Variants in TAF4B observed in about 807,000 individuals in gnomAD.
The protein encoded by TAF4B is TATA-box binding protein associated factor 4b, also known as transcription initiation factor TFIID subunit 4B.
A neutral mutation model predicts 86.4 loss-of-function variants in TAF4B; 38 were observed. That is an observed-to-expected ratio of 0.44 (90% confidence interval 0.34 to 0.58). The LOEUF (loss-of-function observed/expected upper bound fraction) is 0.58. Among genes scored for constraint, TAF4B ranks in the 20% least tolerant of loss-of-function variants. TAF4B has a pLI of 0.02. For missense variants in TAF4B, 988 were observed against 1,027.6 expected (o/e 0.96, Z 0.53); for synonymous variants, 388 against 391.2 (o/e 0.99, Z 0.10).
chr18:26,378,826 A>T (rs1245780468), intron 14 of TAF4B, among the ~76,000 whole-genome samples: 1 of 152,112 alleles, frequency 6.6e-6, no homozygotes, highest in Non-Finnish European at 1.5e-5. Flanking sequence ...TTTCTGAATT[A>T]TTTCACTCAT....
chr18:26,294,860 A>G (rs1791772), intron 9 of TAF4B, among the ~76,000 whole-genome samples: 1 of 149,756 alleles, frequency 6.7e-6, no homozygotes, highest in South Asian at 2.1e-4. Context: ...GGAACAAAGC[A>G]TAGGAGAAAA....
chr18:26,294,797 G>T (rs1002601681), intron 9 of TAF4B, among the ~76,000 whole-genome samples: 42 of 150,116 alleles, frequency 2.8e-4, no homozygotes, highest in African/African-American at 9.4e-4. Context: ...GTAATAGATG[G>T]GAATTAAAGG....
intron 1 of TAF4B, among the ~76,000 whole-genome samples, chr18:26,240,390 G>T (rs1456870143): frequency 6.6e-6 from 1 of 152,168 alleles, no homozygotes; most frequent in African/African-American, 2.4e-5. Flanking sequence ...CTGTTTGTCT[G>T]TTATTGGTGT....
At chr18:26,327,197 C>G in intron 12 of TAF4B, 57 bp downstream of exon 12, 1 of 1,561,410 alleles carries the variant, frequency 6.4e-7, no homozygotes, top group Non-Finnish European at 8.7e-7. Context: ...TCAGAGGTGG[C>G]TTTATCGTTG....
At chr18:26,325,950 G>A (rs1461794421) in intron 11 of TAF4B, among the ~76,000 whole-genome samples, 1 of 152,168 alleles carries the variant, frequency 6.6e-6, no homozygotes, top group Non-Finnish European at 1.5e-5. Context: ...TTGGGCATAT[G>A]AAATCCCTCA....
chr18:26,304,932 T>C (rs1464954658), intron 9 of TAF4B: 11 of 945,496 alleles, frequency 1.2e-5, no homozygotes, highest in Non-Finnish European at 1.1e-5. Context: ...TGACTACTTA[T>C]TGCTTTCCAG....
intron 10 of TAF4B, 92 bp from the exon 11 acceptor site, chr18:26,320,978 G>T: frequency 6.8e-7 from 1 of 1,479,428 alleles, no homozygotes; most frequent in South Asian, 1.2e-5. Context: ...TAATGGGTAT[G>T]ACTTCCAGGG....
intron 1 of TAF4B, among the ~76,000 whole-genome samples, chr18:26,233,575 CA>C (rs1401788998): frequency 6.6e-6 from 1 of 152,104 alleles, no homozygotes; most frequent in African/African-American, 2.4e-5. Context: ...GTAGGTGCCC[CA>C]GGGGCAGGCC....
chr18:26,239,595 G>T (rs1651055046), intron 1 of TAF4B, among the ~76,000 whole-genome samples: 1 of 152,176 alleles, frequency 6.6e-6, no homozygotes, highest in South Asian at 2.1e-4. Context: ...AGTTTAATAA[G>T]ATCCCATTTG....
chr18:26,298,137 G>A (rs2056687744), intron 9 of TAF4B, among the ~76,000 whole-genome samples: 1 of 148,988 alleles, frequency 6.7e-6, no homozygotes, highest in Non-Finnish European at 1.5e-5. Flanking sequence ...GATGTTGAGT[G>A]CATTTGTTCT....
intron 1 of TAF4B, among the ~76,000 whole-genome samples, chr18:26,245,616 ACGCTGATTGGTGCATTTTACAGAG>A (rs2055911952): frequency 1.3e-5 from 2 of 151,828 alleles, no homozygotes; most frequent in South Asian, 4.2e-4. Flanking sequence ...ATTTTACAAA[ACGCTGATTGGTGCATTTTACAGAG>A]CGCTGATTGG....
intron 13 of TAF4B, among the ~76,000 whole-genome samples, chr18:26,353,532 A>T (rs1014021507): frequency 2.0e-5 from 3 of 152,192 alleles, no homozygotes; most frequent in Non-Finnish European, 4.4e-5. Context: ...GGAATTCAAG[A>T]CCAGCCTGGG....
intron 1 of TAF4B, among the ~76,000 whole-genome samples, chr18:26,243,950 G>A (rs1057416069): frequency 5.9e-5 from 9 of 152,124 alleles, no homozygotes; most frequent in African/African-American, 9.7e-5. Flanking sequence ...TGGAAGCTTC[G>A]TCTCAGAGGG....
chr18:26,233,912 T>TCA (rs1242296640), intron 1 of TAF4B, among the ~76,000 whole-genome samples: 1 of 152,200 alleles, frequency 6.6e-6, no homozygotes, highest in African/African-American at 2.4e-5. Flanking sequence ...TTGGCACACT[T>TCA]CACAGGTTTT....
chr18:26,352,287 A>G (rs2057251981), intron 13 of TAF4B, among the ~76,000 whole-genome samples: 1 of 152,026 alleles, frequency 6.6e-6, no homozygotes, highest in South Asian at 2.1e-4. Flanking sequence ...ATCACAGGTA[A>G]TGATATAGGT....
At chr18:26,297,180 T>C (rs897856507) in intron 9 of TAF4B, among the ~76,000 whole-genome samples, 6 of 151,710 alleles carry the variant, frequency 4.0e-5, no homozygotes, top group Admixed American at 1.3e-4. Flanking sequence ...ATTTAACATT[T>C]TATTTGGGGA....
chr18:26,308,923 C>G (rs2056825537), intron 9 of TAF4B, among the ~76,000 whole-genome samples: 1 of 139,624 alleles, frequency 7.2e-6, no homozygotes, highest in African/African-American at 2.6e-5. Context: ...GAACTGAGAA[C>G]ATGAATATAG....
At chr18:26,284,432 C>T (rs1468263570) in intron 6 of TAF4B, among the ~76,000 whole-genome samples, 1 of 152,216 alleles carries the variant, frequency 6.6e-6, no homozygotes, top group African/African-American at 2.4e-5. Context: ...TTTGCATTCA[C>T]GACTTGGCTG....
At chr18:26,281,885 C>A in intron 5 of TAF4B, 86 bp from the exon 6 acceptor site, 1 of 948,002 alleles carries the variant, frequency 1.1e-6, no homozygotes, top group Non-Finnish European at 1.6e-6. Flanking sequence ...GAAAAGTTTG[C>A]TATGTCTACA....
Sources: gnomAD v4.1 joint callset for allele counts (sites outside exome capture counted in the v4.1 genomes callset) on GRCh38, gnomAD v4.1.1 for gene constraint, MANE v1.5 for transcripts, NCBI Gene and HGNC (gene_info 2026-07-23, HGNC 2026-07-21) for gene names.